The following JAM3 variants were observed in gnomAD, a reference collection of about 807,000 sequenced individuals.
JAM3 encodes the protein junctional adhesion molecule 3, also known as junctional adhesion molecule C.
In JAM3, 31 loss-of-function variants were observed where a neutral mutation model predicts 39.4. The ratio of observed to expected loss-of-function variants is 0.79; its 90% CI spans 0.59 to 1.06. The LOEUF (loss-of-function observed/expected upper bound fraction) is 1.06, where lower values mean the gene tolerates loss of function less well. JAM3 is among the 50% of genes least tolerant of loss of function. The pLI is 0.00. For synonymous variants in JAM3, 182 were observed against 148.7 expected (o/e 1.22, Z -1.63); for missense variants, 455 against 391.4 (o/e 1.16, Z -1.37).
At chr11:134,081,412 C>G (rs1393235961) in intron 1 of JAM3, among the ~76,000 whole-genome samples, 1 of 152,222 alleles carries the variant, frequency 6.6e-6, no homozygotes, top group Admixed American at 6.5e-5. Flanking sequence ...CCCAGGGTCC[C>G]TGTGCTGTAT....
At chr11:134,091,301 C>T (rs538823492) in intron 1 of JAM3, among the ~76,000 whole-genome samples, 1 of 152,082 alleles carries the variant, frequency 6.6e-6, no homozygotes, top group Non-Finnish European at 1.5e-5. Flanking sequence ...TGAGACCATA[C>T]TGGCTAACAC....
At chr11:134,074,107 A>G (rs1453956281) in intron 1 of JAM3, among the ~76,000 whole-genome samples, 1 of 152,226 alleles carries the variant, frequency 6.6e-6, no homozygotes, top group Non-Finnish European at 1.5e-5. Context: ...CTGCAGGTAT[A>G]CTAGTATATA....
At chr11:134,129,798 G>A (rs1007057543) in intron 1 of JAM3, among the ~76,000 whole-genome samples, 7 of 152,100 alleles carry the variant, frequency 4.6e-5, no homozygotes, top group African/African-American at 9.7e-5. Flanking sequence ...GCTCAGGAGC[G>A]CGAGACCAGC....
chr11:134,104,075 G>A (rs1143810), intron 1 of JAM3, among the ~76,000 whole-genome samples: 34 of 152,166 alleles, frequency 2.2e-4, no homozygotes, highest in East Asian at 3.9e-4. Flanking sequence ...GCATCACATC[G>A]CACTTATTCC....
Position 134,135,928 on chromosome 11 carries a change from G to C in JAM3, c.77-3923G>C, listed in dbSNP as rs1045360861. Among the ~76,000 whole-genome samples, 6 of 152,164 alleles carry C rather than the reference G, an allele frequency of 3.9e-5. No homozygotes were observed. In the South Asian group the frequency reaches 1.0e-3, roughly 26 times the overall value. ...TACTAAAAATGCAAAAAATTAGCCA[G>C]GTGTGGTGGCAGGCACCTGTAATCC... On this transcript the variant is annotated intron_variant, in intron 1 of 8. Coordinates refer to ENST00000299106, the MANE Select transcript of JAM3 (RefSeq NM_032801.5).
chr11:134,113,129 A>G (rs1565493036), intron 1 of JAM3, among the ~76,000 whole-genome samples: 1 of 152,016 alleles, frequency 6.6e-6, no homozygotes, highest in Admixed American at 6.6e-5. Flanking sequence ...GTTTTACTCA[A>G]TGAATTTCAA....
chr11:134,144,741 G>A (rs762653522), intron 4 of JAM3, 51 bp from the exon 5 acceptor site: 2 of 1,485,038 alleles, frequency 1.3e-6, no homozygotes, highest in Admixed American at 1.7e-5. Flanking sequence ...GCTTTAATAA[G>A]AATAGAGCCC....
chr11:134,131,975 ATTGTGGGAG>A, intron 1 of JAM3, among the ~76,000 whole-genome samples: 1 of 152,350 alleles, frequency 6.6e-6, no homozygotes, highest in Admixed American at 6.5e-5. Context: ...CATCATATGC[ATTGTGGGAG>A]TTTTAGAAGG....
rs145416330 is a variant in JAM3 at position 134,136,884 on chromosome 11, C to T, written c.77-2967C>T. On this transcript the variant is annotated intron_variant, in intron 1 of 8. Coordinates refer to ENST00000299106, the MANE Select transcript of JAM3 (RefSeq NM_032801.5). ...ATCCCAGCACTTTGGGAGGCCGAGG[C>T]GGACGGATCACAAGGTCAGGAGATC... is the stretch of plus-strand genomic sequence containing the variant. 3.8e-3 allele frequency among the ~76,000 whole-genome samples: 585 copies of T among 152,072 alleles called. 10 individuals are homozygous for T. The highest frequency in any genetic ancestry group is 0.026 in the Admixed American group (403 of 15,284).
chr11:134,129,077 T>C (rs776006941), intron 1 of JAM3, among the ~76,000 whole-genome samples: 4 of 152,008 alleles, frequency 2.6e-5, no homozygotes, highest in Non-Finnish European at 5.9e-5. Flanking sequence ...TGTCCTCATA[T>C]TATCTTTCCC....
At chr11:134,104,345 C>A (rs1244971896) in intron 1 of JAM3, among the ~76,000 whole-genome samples, 1 of 151,930 alleles carries the variant, frequency 6.6e-6, no homozygotes, top group East Asian at 1.9e-4. Flanking sequence ...ATCTCTGGGA[C>A]ACATTTAAAG....
At position 134,148,788 on chromosome 11, in the gene JAM3, T is replaced by G; in HGVS notation, c.867T>G (p.Asp289Glu). ...GTTACAAGAACCCAGGGAAACCAGA[T>G]GGAGTTAACTACATCCGCACTGACG... ...GESYKNPGKP[D>E]GVNYIRTDEE... The change falls in exon 8 of 9, where the codon GAT becomes GAG. Residue 289 changes from aspartate (D) to glutamate (E), a missense_variant. By Grantham distance (45) the Asp-to-Glu change is conservative. Transcript: ENST00000299106. 6.2e-7 allele frequency: 1 copy of G among 1,614,176 alleles called. No individual in the cohort carries two copies. Among genetic ancestry groups the G allele is most frequent in the South Asian group, 1.1e-5 (1 of 91,086 alleles).
At chr11:134,120,200 G>A (rs142164397) in intron 1 of JAM3, among the ~76,000 whole-genome samples, 1 of 152,350 alleles carries the variant, frequency 6.6e-6, no homozygotes, top group East Asian at 1.9e-4. Flanking sequence ...TAAACATGTA[G>A]CCTTTCTCCA....
rs540185777 is a variant in JAM3, at chr11:134,147,912, C to T, written c.713-635C>T. 1.9e-4 allele frequency: 30 copies of T among 154,170 alleles called. No homozygotes were observed. In the South Asian group the frequency reaches 4.6e-3, roughly 24 times the overall value. 9.6% of individuals were successfully genotyped at this position (154,170 alleles called of 1,614,324 possible). ...ATTCCCTGCATAGTTTTCCATGTGT[C>T]GCTTGCTTGAAGGAACGGCTGCCAG... On this transcript the variant is annotated intron_variant, in intron 6 of 8. Coordinates refer to ENST00000299106, the MANE Select transcript of JAM3 (RefSeq NM_032801.5).
chr11:134,148,868 A>G lies in JAM3; in HGVS notation c.897+50A>G, dbSNP rs751589803. 2.5e-6 allele frequency: 4 copies of G among 1,588,076 alleles called. 1 individual carries two copies. In the South Asian group the frequency reaches 4.4e-5, roughly 18 times the overall value. On this transcript the variant is annotated intron_variant, in intron 8 of 8. Coordinates refer to ENST00000299106, the MANE Select transcript of JAM3 (RefSeq NM_032801.5). ...CCTAGGTGTACCCAGCAGGGAAAACAACATTCCCCCTTGGAAACCACACGG... is the reference window on the plus strand; with the variant it reads ...CCTAGGTGTACCCAGCAGGGAAAACGACATTCCCCCTTGGAAACCACACGG...
intron 2 of JAM3, among the ~76,000 whole-genome samples, chr11:134,140,127 C>T (rs1287140554): frequency 6.6e-6 from 1 of 152,216 alleles, no homozygotes; most frequent in African/African-American, 2.4e-5. Context: ...GCACTCCTGC[C>T]TGGCTTTGTG....
rs190658542 is a variant in JAM3 at position 134,096,231 on chromosome 11, G to A, written c.76+27072G>A. Among the ~76,000 whole-genome samples the A allele has an allele frequency of 5.7e-3, 874 of 152,100 alleles. 7 individuals carry two copies. The highest frequency in any genetic ancestry group is 0.02 in the African/African-American group (836 of 41,454). On this transcript the variant is annotated intron_variant, in intron 1 of 8. Coordinates refer to ENST00000299106, the MANE Select transcript of JAM3 (RefSeq NM_032801.5). ...TGGCTTCAAGTGATCCTCCTGCCTC[G>A]GCCTGGGATTACAGGCGTGAGCCAC...
chr11:134,069,352 CG>C (rs1315551263), intron 1 of JAM3, among the ~76,000 whole-genome samples, 193 bp downstream of exon 1: 2 of 152,092 alleles, frequency 1.3e-5, no homozygotes, highest in Non-Finnish European at 2.9e-5. Context: ...CTGGCTAGGG[CG>C]GGGGCCCTGG....
At chr11:134,112,691 C>T (rs1942340110) in intron 1 of JAM3, among the ~76,000 whole-genome samples, 1 of 152,152 alleles carries the variant, frequency 6.6e-6, no homozygotes, top group Admixed American at 6.5e-5. Context: ...AGGAAACTCA[C>T]TCACACAGAG....
Sources: gnomAD v4.1 joint callset for allele counts (sites outside exome capture counted in the v4.1 genomes callset) on GRCh38, gnomAD v4.1.1 for gene constraint, MANE v1.5 for transcripts, NCBI Gene and HGNC (gene_info 2026-07-23, HGNC 2026-07-21) for gene names.